KIAA1549L: variants seen among roughly 807,000 people sequenced by gnomAD.
The protein encoded by KIAA1549L is KIAA1549 like, also known as UPF0606 protein KIAA1549L.
KIAA1549L carries 88 observed loss-of-function variants against 160.7 expected under a neutral mutation model. The ratio of observed to expected loss-of-function variants is 0.55; its 90% CI spans 0.46 to 0.65. The LOEUF (loss-of-function observed/expected upper bound fraction) is 0.65. Ranked by LOEUF, KIAA1549L falls within the 30% of genes least tolerant of loss-of-function variation. The pLI is 0.00. For synonymous variants in KIAA1549L, 950 were observed against 976.7 expected, an observed-to-expected ratio of 0.97 and a Z score of 0.51; for missense variants, 2,258 against 2,437.5, an observed-to-expected ratio of 0.93 and a Z score of 1.55.
At chr11:33,435,810 ATGTG>A (rs371276872) in intron 1 of KIAA1549L, among the ~76,000 whole-genome samples, 719 of 27,110 alleles carry the variant, frequency 0.027, 81 homozygotes, top group East Asian at 0.058. Flanking sequence ...ATATATATAT[ATGTG>A]TGTGTATATA....
chr11:33,566,171 G>A (rs914876731), intron 8 of KIAA1549L, among the ~76,000 whole-genome samples: 1 of 151,914 alleles, frequency 6.6e-6, no homozygotes, highest in African/African-American at 2.4e-5. Context: ...GGAGGCTTTT[G>A]ACTATTCCCT....
intron 13 of KIAA1549L, among the ~76,000 whole-genome samples, chr11:33,600,727 C>T (rs1005035311): frequency 2.6e-5 from 4 of 152,130 alleles, no homozygotes; most frequent in African/African-American, 7.2e-5. Flanking sequence ...TGGCAATACA[C>T]ATGTATCTTT....
chr11:33,423,906 G>A (rs1400410685), intron 1 of KIAA1549L, among the ~76,000 whole-genome samples: 1 of 152,174 alleles, frequency 6.6e-6, no homozygotes, highest in Non-Finnish European at 1.5e-5. Flanking sequence ...GCATGTGCCT[G>A]TGGTCTCAGC....
chr11:33,514,744 T>C (rs137984130), intron 1 of KIAA1549L, among the ~76,000 whole-genome samples: 3,155 of 152,328 alleles, frequency 0.021, 55 homozygotes, highest in Non-Finnish European at 0.027. Flanking sequence ...TGGGATTTTT[T>C]AGTAACTTGT....
intron 1 of KIAA1549L, among the ~76,000 whole-genome samples, chr11:33,484,790 TAA>T (rs1852487404): frequency 6.6e-6 from 1 of 152,246 alleles, no homozygotes; most frequent in African/African-American, 2.4e-5. Flanking sequence ...CCAGAATTTA[TAA>T]GTTTATTGTA....
intron 1 of KIAA1549L, among the ~76,000 whole-genome samples, chr11:33,455,890 A>G (rs1299759252): frequency 1.3e-5 from 2 of 152,180 alleles, no homozygotes; most frequent in African/African-American, 4.8e-5. Flanking sequence ...TAGGGAGCAA[A>G]AATGTTTCTT....
chr11:33,408,641 T>TA (rs946863318), intron 1 of KIAA1549L, among the ~76,000 whole-genome samples: 5 of 151,390 alleles, frequency 3.3e-5, no homozygotes, highest in Non-Finnish European at 5.9e-5. Flanking sequence ...TCCAAAGTGA[T>TA]ATAGACTTTC....
At chr11:33,627,845 T>A (rs1463408043) in intron 16 of KIAA1549L, among the ~76,000 whole-genome samples, 2 of 151,282 alleles carry the variant, frequency 1.3e-5, no homozygotes, top group African/African-American at 4.9e-5. Flanking sequence ...ATGTGTTTGC[T>A]CTTGCTTTTC....
chr11:33,466,734 A>G (rs569060434), intron 1 of KIAA1549L, among the ~76,000 whole-genome samples: 1 of 152,306 alleles, frequency 6.6e-6, no homozygotes, highest in Non-Finnish European at 1.5e-5. Context: ...TCCATCAATA[A>G]TAGACTGGAT....
At chr11:33,453,524 A>T (rs1218169154) in intron 1 of KIAA1549L, among the ~76,000 whole-genome samples, 1 of 152,084 alleles carries the variant, frequency 6.6e-6, no homozygotes, top group Non-Finnish European at 1.5e-5. Context: ...GATCCTGGGG[A>T]GATTTTCTTG....
At position 33,671,581 on chromosome 11, in the gene KIAA1549L, A is replaced by AACACACACACACACACACACACAC. The variant is rs3042014; in HGVS notation, c.*3440_*3463dup. On this transcript the variant is annotated 3_prime_UTR_variant, in exon 21 of 21. Coordinates refer to ENST00000658780, the MANE Select transcript of KIAA1549L (RefSeq NM_012194.3). ...AGAAAGGAAATAGATCTGTGATTAA[A>AACACACACACACACACACACACAC]ACACACACACACACACACACACACA... is the stretch of plus-strand genomic sequence containing the variant. 3.3e-4 allele frequency: 47 copies of AACACACACACACACACACACACAC among 143,822 alleles called. No homozygotes were observed. Among genetic ancestry groups the AACACACACACACACACACACACAC allele is most frequent in the African/African-American group, 4.6e-4 (18 of 39,204 alleles). 8.9% of individuals were successfully genotyped at this position (143,822 alleles called of 1,614,324 possible).
In KIAA1549L at chr11:33,589,770, G is replaced by A. The variant is rs535309162; in HGVS notation, c.4567-1467G>A. On this transcript the variant is annotated intron_variant, in intron 11 of 20. Coordinates refer to ENST00000658780, the MANE Select transcript of KIAA1549L (RefSeq NM_012194.3). ...ACACCAGGGCCTGTTGTGGGGTGGG[G>A]GAGGTGGGAGGGATAGCATTAGGAG... Among the ~76,000 whole-genome samples the A allele has an allele frequency of 3.9e-3, 600 of 152,118 alleles. 7 individuals carry two copies. Among genetic ancestry groups the A allele is most frequent in the African/African-American group, 0.013 (551 of 41,482 alleles).
intron 1 of KIAA1549L, among the ~76,000 whole-genome samples, chr11:33,439,553 C>A (rs1851451578): frequency 6.6e-6 from 1 of 151,128 alleles, no homozygotes; most frequent in East Asian, 1.9e-4. Context: ...CAGGCGCCCA[C>A]CAGCATGCCC....
intron 18 of KIAA1549L, among the ~76,000 whole-genome samples, chr11:33,656,612 G>A (rs963494766): frequency 2.6e-5 from 4 of 152,264 alleles, no homozygotes; most frequent in Non-Finnish European, 4.4e-5. Context: ...AAAATCTAAC[G>A]AGGGCATGTT....
intron 1 of KIAA1549L, among the ~76,000 whole-genome samples, chr11:33,494,088 A>G (rs921748227): frequency 7.9e-5 from 12 of 152,210 alleles, no homozygotes; most frequent in African/African-American, 2.2e-4. Context: ...CTTGGTTTCC[A>G]TGCCTAATTT....
At chr11:33,476,700 A>G (rs58925954) in intron 1 of KIAA1549L, among the ~76,000 whole-genome samples, 2 of 151,580 alleles carry the variant, frequency 1.3e-5, no homozygotes, top group East Asian at 1.9e-4. Context: ...ATTGCCCCCA[A>G]CCTCCCAGCT....
At chr11:33,535,210 AC>A (rs1225784810) in intron 1 of KIAA1549L, among the ~76,000 whole-genome samples, 2 of 152,140 alleles carry the variant, frequency 1.3e-5, no homozygotes, top group African/African-American at 4.8e-5. Context: ...GTTCCTAGAG[AC>A]ACCAGTAGTT....
rs149201398 is a variant in KIAA1549L at position 33,555,693 on chromosome 11, T to C, written c.3855+3452T>C. ...GGATCAAAGATCTAAATGTAATATC[T>C]AAAACCGTAGGACTTTTATGGGAAA... On this transcript the variant is annotated intron_variant, in intron 6 of 20. Transcript: ENST00000658780. Among the ~76,000 whole-genome samples, 969 of 152,326 alleles carry C rather than the reference T, an allele frequency of 6.4e-3. 16 individuals are homozygous for C. Among genetic ancestry groups the C allele is most frequent in the South Asian group, 0.046 (223 of 4,826 alleles).
chr11:33,655,994 T>G lies in KIAA1549L; in HGVS notation c.5761-18T>G. The G allele has an allele frequency of 6.3e-7, 1 of 1,588,316 alleles. No homozygotes were observed. Among genetic ancestry groups the G allele is most frequent in the Non-Finnish European group, 8.6e-7 (1 of 1,156,876 alleles). On this transcript the variant is annotated intron_variant, in intron 17 of 20. Transcript: ENST00000658780. ...TGGGTGTTAACAACTCTCCCTGTAT[T>G]GCTTGTCTCTTTCACAGGCTTACAG... is the stretch of plus-strand genomic sequence containing the variant.
Sources: gnomAD v4.1 joint callset for allele counts (sites outside exome capture counted in the v4.1 genomes callset) on GRCh38, gnomAD v4.1.1 for gene constraint, MANE v1.5 for transcripts, NCBI Gene and HGNC (gene_info 2026-07-23, HGNC 2026-07-21) for gene names.